Variants in SNX29 observed in about 807,000 individuals in gnomAD.
The protein encoded by SNX29 is sorting nexin-29.
A neutral mutation model predicts 102.1 loss-of-function variants in SNX29; 78 were observed. The observed-to-expected ratio is 0.76, with a 90% CI of 0.64 to 0.92. The LOEUF is 0.92. Ranked by LOEUF, SNX29 falls within the 40% of genes least tolerant of loss-of-function variation. The pLI is 0.00. For missense variants in SNX29, 1,280 were observed against 1,061.7 expected (o/e 1.21, Z -2.86); for synonymous variants, 580 against 414.5 (o/e 1.40, Z -4.85).
At chr16:12,172,073 T>G (rs2076161699) in intron 13 of SNX29, among the ~76,000 whole-genome samples, 1 of 152,220 alleles carries the variant, frequency 6.6e-6, no homozygotes, top group African/African-American at 2.4e-5. Flanking sequence ...GCTTTGAGTC[T>G]TTATTCTGGA....
At chr16:12,476,880 G>T (rs1370686678) in intron 18 of SNX29, among the ~76,000 whole-genome samples, 1 of 152,116 alleles carries the variant, frequency 6.6e-6, no homozygotes, top group African/African-American at 2.4e-5. Context: ...TGGTCATAGA[G>T]GTTTTAAAGA....
chr16:12,455,835 C>T (rs538838793), intron 18 of SNX29, among the ~76,000 whole-genome samples: 3 of 152,260 alleles, frequency 2.0e-5, no homozygotes. Context: ...CTCCCTCCTT[C>T]CTTCTTTCCT....
chr16:12,128,061 T>C (rs2054294666), intron 12 of SNX29, among the ~76,000 whole-genome samples: 1 of 152,134 alleles, frequency 6.6e-6, no homozygotes, highest in Non-Finnish European at 1.5e-5. Context: ...TTCTCTCTTG[T>C]CCTTTCTGGA....
rs548006178 is a variant in SNX29, at chr16:12,571,152, G to A, written c.*2523G>A. ...ATGATTGGGTCCATCTTGCTGCTCA[G>A]AAGAATCCCGTCCTGCTCTCTAGTG... On this transcript the variant is annotated 3_prime_UTR_variant, in exon 21 of 21. Coordinates refer to ENST00000566228, the MANE Select transcript of SNX29 (RefSeq NM_032167.5). 8.7e-6 allele frequency: 2 copies of A among 230,654 alleles called. No individual in the cohort carries two copies. The highest frequency in any genetic ancestry group is 1.7e-5 in the Non-Finnish European group (2 of 117,686). 14.3% of individuals were successfully genotyped at this position (230,654 alleles called of 1,614,324 possible).
chr16:12,313,121 C>G (rs541024244), intron 15 of SNX29, among the ~76,000 whole-genome samples: 5 of 151,890 alleles, frequency 3.3e-5, no homozygotes, highest in Non-Finnish European at 4.4e-5. Context: ...TCAAGTGATT[C>G]TCCTGCCTCA....
intron 20 of SNX29, among the ~76,000 whole-genome samples, chr16:12,558,101 C>T (rs779088828): frequency 2.0e-5 from 3 of 152,160 alleles, no homozygotes; most frequent in African/African-American, 4.8e-5. Context: ...GGGGACGGGG[C>T]AACTGAGAAT....
intron 14 of SNX29, among the ~76,000 whole-genome samples, chr16:12,249,338 C>A (rs1466178121): frequency 6.6e-6 from 1 of 152,194 alleles, no homozygotes; most frequent in East Asian, 1.9e-4. Flanking sequence ...CTTATTCATA[C>A]CACAGTGGTC....
chr16:12,551,570 G>A (rs1007108943), intron 20 of SNX29, among the ~76,000 whole-genome samples: 2 of 152,190 alleles, frequency 1.3e-5, no homozygotes, highest in Non-Finnish European at 2.9e-5. Context: ...GAGAAGCCCT[G>A]CTTTCAAAAG....
rs543255352 is a variant in SNX29 at position 12,544,930 on chromosome 16, C to G, written c.2318+20089C>G. Among the ~76,000 whole-genome samples the G allele has an allele frequency of 7.9e-5, 12 of 152,304 alleles. No homozygotes were observed. In the South Asian group the frequency reaches 1.0e-3, roughly 13 times the overall value. On this transcript the variant is annotated intron_variant, in intron 20 of 20. Coordinates refer to ENST00000566228, the MANE Select transcript of SNX29 (RefSeq NM_032167.5). Reference sequence around the variant, plus strand: ...ATAGTCATTAGATGTTATCATCATCCCTTGTTCACTGTATTTCCAGATGAG... The same window carrying G: ...ATAGTCATTAGATGTTATCATCATCGCTTGTTCACTGTATTTCCAGATGAG...
chr16:12,445,943 T>A (rs1319318346), intron 18 of SNX29, among the ~76,000 whole-genome samples: 4 of 151,712 alleles, frequency 2.6e-5, no homozygotes, highest in Non-Finnish European at 5.9e-5. Context: ...GAAAAGGGAG[T>A]GCATTCAAAC....
intron 18 of SNX29, among the ~76,000 whole-genome samples, chr16:12,462,668 C>T (rs1379525694): frequency 2.0e-5 from 3 of 152,108 alleles, no homozygotes; most frequent in Non-Finnish European, 4.4e-5. Flanking sequence ...TCCATGATTT[C>T]AGAATAAACA....
intron 15 of SNX29, among the ~76,000 whole-genome samples, chr16:12,353,522 C>A (rs2082049908): frequency 6.6e-6 from 1 of 152,164 alleles, no homozygotes; most frequent in Non-Finnish European, 1.5e-5. Context: ...AGAACACACA[C>A]ACTGTCAGTA....
At chr16:12,421,489 T>A (rs144889921) in intron 18 of SNX29, among the ~76,000 whole-genome samples, 2 of 152,040 alleles carry the variant, frequency 1.3e-5, no homozygotes, top group East Asian at 2.0e-4. Flanking sequence ...CTTTCTTGAT[T>A]TGATTTCCCT....
At chr16:12,259,921 C>G (rs779601284) in intron 14 of SNX29, among the ~76,000 whole-genome samples, 2 of 152,030 alleles carry the variant, frequency 1.3e-5, no homozygotes, top group South Asian at 4.1e-4. Context: ...CCTGCCACCC[C>G]CTAATCCCCC....
At chr16:11,989,517 A>G (rs1374403245) in intron 1 of SNX29, among the ~76,000 whole-genome samples, 1 of 152,160 alleles carries the variant, frequency 6.6e-6, no homozygotes, top group African/African-American at 2.4e-5. Flanking sequence ...ATCTGTGCGT[A>G]TGCTAAGTCT....
chr16:12,560,986 G>A (rs188089971), intron 20 of SNX29: 39 of 214,970 alleles, frequency 1.8e-4, no homozygotes, highest in Middle Eastern at 1.5e-3. Flanking sequence ...CTTGGGTACT[G>A]CCAGAGCCAT....
chr16:12,492,364 T>C (rs1389414639), intron 19 of SNX29, among the ~76,000 whole-genome samples: 2 of 152,188 alleles, frequency 1.3e-5, no homozygotes, highest in Non-Finnish European at 1.5e-5. Context: ...TTCGCCCACT[T>C]TTTGATGGGG....
At chr16:12,175,843 C>T (rs2076248494) in intron 13 of SNX29, among the ~76,000 whole-genome samples, 1 of 151,270 alleles carries the variant, frequency 6.6e-6, no homozygotes, top group African/African-American at 2.4e-5. Flanking sequence ...CATGTTTCTA[C>T]AAAAATAATT....
rs372328273 is a variant in SNX29, at chr16:12,126,617, T to C, written c.1403-16T>C. The C allele has an allele frequency of 1.9e-4, 307 of 1,613,554 alleles. No homozygotes were observed. The highest frequency in any genetic ancestry group is 2.4e-4 in the Non-Finnish European group (289 of 1,179,762). On this transcript the variant is annotated splice_polypyrimidine_tract_variant and intron_variant, in intron 11 of 20. Transcript: ENST00000566228. ...AAGACCTGCCAATTAATCTTGACTT[T>C]GTTTTCTTCCCTTAGGTGAACTGCG...
Sources: allele counts gnomAD v4.1 joint callset (sites outside exome capture counted in the v4.1 genomes callset), GRCh38; gene constraint gnomAD v4.1.1; transcripts MANE v1.5; gene names NCBI Gene and HGNC (gene_info 2026-07-23, HGNC 2026-07-21).